TRABD2B: variants seen among roughly 807,000 people sequenced by gnomAD.
TRABD2B encodes metalloprotease TIKI2.
In TRABD2B, 14 loss-of-function variants were observed where a neutral mutation model predicts 40.1. The ratio of observed to expected loss-of-function variants is 0.35; its 90% CI spans 0.23 to 0.55. The LOEUF (loss-of-function observed/expected upper bound fraction) is 0.55, where lower values mean the gene tolerates loss of function less well. TRABD2B is among the 20% of genes least tolerant of loss of function. The pLI is 0.90. For synonymous variants in TRABD2B, 263 were observed against 277.0 expected (o/e 0.95, Z 0.50); for missense variants, 541 against 648.6 (o/e 0.83, Z 1.80).
intron 4 of TRABD2B, among the ~76,000 whole-genome samples, chr1:47,780,952 G>T (rs1044804528): frequency 6.6e-6 from 1 of 152,228 alleles, no homozygotes; most frequent in African/African-American, 2.4e-5. Flanking sequence ...TGCGTCAAAC[G>T]GGCCTACAGT....
intron 2 of TRABD2B, among the ~76,000 whole-genome samples, chr1:47,977,862 A>G (rs776745946): frequency 1.3e-4 from 20 of 152,038 alleles, no homozygotes; most frequent in Non-Finnish European, 2.9e-4. Context: ...AAAGGAGAAG[A>G]AAAGGGAGAT....
At chr1:47,880,432 T>A (rs1244651136) in intron 2 of TRABD2B, among the ~76,000 whole-genome samples, 1 of 152,260 alleles carries the variant, frequency 6.6e-6, no homozygotes, top group African/African-American at 2.4e-5. Flanking sequence ...ATTTTTTGAA[T>A]CAGGAAACAA....
intron 2 of TRABD2B, among the ~76,000 whole-genome samples, chr1:47,905,328 C>T (rs906240689): frequency 9.2e-5 from 14 of 152,202 alleles, no homozygotes; most frequent in African/African-American, 2.7e-4. Flanking sequence ...GAACCAACTT[C>T]CCAGAGGAGC....
rs561938624 is a variant in TRABD2B, at chr1:47,947,406, G to A, written c.666+46628C>T. Reference sequence around the variant, plus strand: ...TAGGCACCAAACACCCAGGAGTGATGGGGCAGGAGGTAATTAGCATAATGG... The same window carrying A: ...TAGGCACCAAACACCCAGGAGTGATAGGGCAGGAGGTAATTAGCATAATGG... On this transcript the variant is annotated intron_variant, in intron 2 of 6. Coordinates refer to ENST00000606738, the MANE Select transcript of TRABD2B (RefSeq NM_001194986.2). 7.9e-5 allele frequency among the ~76,000 whole-genome samples: 12 copies of A among 152,284 alleles called. No individual in the cohort carries two copies. The South Asian group carries it at 2.3e-3, about 29-fold the overall frequency.
intron 4 of TRABD2B, among the ~76,000 whole-genome samples, chr1:47,780,846 G>A (rs1569910874): frequency 1.3e-5 from 2 of 152,206 alleles, no homozygotes; most frequent in Admixed American, 6.5e-5. Context: ...TGCTGTTGAG[G>A]ACAAAAGATC....
chr1:47,792,123 G>A (rs906893074), intron 4 of TRABD2B, among the ~76,000 whole-genome samples: 1 of 152,234 alleles, frequency 6.6e-6, no homozygotes, highest in Non-Finnish European at 1.5e-5. Context: ...GGATCTGCAC[G>A]TGGCTCCAGA....
intron 4 of TRABD2B, among the ~76,000 whole-genome samples, chr1:47,784,160 A>C (rs1644563611): frequency 1.3e-5 from 2 of 151,876 alleles, no homozygotes; most frequent in Admixed American, 1.3e-4. Flanking sequence ...AGGGGACGTG[A>C]CTCGCCCAAG....
intron 2 of TRABD2B, among the ~76,000 whole-genome samples, chr1:47,952,657 G>A (rs144678076): frequency 6.6e-6 from 1 of 152,280 alleles, no homozygotes; most frequent in Non-Finnish European, 1.5e-5. Context: ...ACATGTGTCT[G>A]TCTATCTCTC....
intron 2 of TRABD2B, among the ~76,000 whole-genome samples, chr1:47,947,972 G>T (rs1645283525): frequency 6.6e-6 from 1 of 152,136 alleles, no homozygotes; most frequent in Non-Finnish European, 1.5e-5. Flanking sequence ...AGCAGCCCAG[G>T]TGTCATGAAT....
chr1:47,812,542 G>A (rs2124357209), intron 2 of TRABD2B, among the ~76,000 whole-genome samples: 1 of 104,472 alleles, frequency 9.6e-6, no homozygotes, highest in African/African-American at 3.6e-5. Context: ...GAAACACAGG[G>A]AGACCCCATC....
At chr1:47,985,082 C>T (rs1007717758) in intron 2 of TRABD2B, among the ~76,000 whole-genome samples, 1 of 152,192 alleles carries the variant, frequency 6.6e-6, no homozygotes, top group African/African-American at 2.4e-5. Context: ...TCAATTAATC[C>T]TCACAGCAAT....
At chr1:47,953,705 C>T (rs1447172622) in intron 2 of TRABD2B, among the ~76,000 whole-genome samples, 2 of 152,174 alleles carry the variant, frequency 1.3e-5, no homozygotes, top group African/African-American at 2.4e-5. Flanking sequence ...CCCAAGGTTG[C>T]TATATGGATT....
At chr1:47,856,484 T>C (rs1345309649) in intron 2 of TRABD2B, among the ~76,000 whole-genome samples, 1 of 152,222 alleles carries the variant, frequency 6.6e-6, no homozygotes, top group South Asian at 2.1e-4. Flanking sequence ...TAGAATACCA[T>C]CTCCCTCAAC....
intron 2 of TRABD2B, among the ~76,000 whole-genome samples, chr1:47,894,144 G>A (rs899378444): frequency 1.3e-5 from 2 of 152,196 alleles, no homozygotes; most frequent in African/African-American, 4.8e-5. Context: ...GATACACAGT[G>A]TGGGTGGGGG....
At chr1:47,948,083 G>A (rs1645285073) in intron 2 of TRABD2B, among the ~76,000 whole-genome samples, 1 of 152,168 alleles carries the variant, frequency 6.6e-6, no homozygotes, top group African/African-American at 2.4e-5. Flanking sequence ...GGGGGGCCGT[G>A]GGCTTTGGAA....
At chr1:47,835,305 C>T (rs1235197672) in intron 2 of TRABD2B, among the ~76,000 whole-genome samples, 2 of 151,756 alleles carry the variant, frequency 1.3e-5, no homozygotes, top group African/African-American at 2.4e-5. Context: ...ATCAAGTGTA[C>T]CAACATATGC....
chr1:47,877,363 T>A (rs1644240500), intron 2 of TRABD2B, among the ~76,000 whole-genome samples: 1 of 152,074 alleles, frequency 6.6e-6, no homozygotes, highest in African/African-American at 2.4e-5. Context: ...GATGGTGATC[T>A]ACTCTAAGTG....
intron 2 of TRABD2B, among the ~76,000 whole-genome samples, chr1:47,852,275 G>A (rs1645560338): frequency 6.6e-6 from 1 of 152,184 alleles, no homozygotes; most frequent in South Asian, 2.1e-4. Context: ...GGCGTGCGGA[G>A]CTCCTGGCCC....
chr1:47,834,577 G>GCACACA (rs1553156380), intron 2 of TRABD2B, among the ~76,000 whole-genome samples: 79 of 142,478 alleles, frequency 5.5e-4, no homozygotes, highest in East Asian at 2.0e-3. Context: ...ACACACACAC[G>GCACACA]CGCACACACA....
Sources: allele counts gnomAD v4.1 joint callset (sites outside exome capture counted in the v4.1 genomes callset), GRCh38; gene constraint gnomAD v4.1.1; transcripts MANE v1.5; gene names NCBI Gene and HGNC (gene_info 2026-07-23, HGNC 2026-07-21).